AKAP11: variants seen among roughly 807,000 people sequenced by gnomAD.
AKAP11 encodes A-kinase anchor protein 11.
Under a neutral mutation model 146.1 loss-of-function variants are expected in AKAP11, and 36 were observed. That is an observed-to-expected ratio of 0.25 (90% CI 0.19 to 0.33). The LOEUF (loss-of-function observed/expected upper bound fraction) is 0.33, where lower values mean the gene tolerates loss of function less well. Among genes scored for constraint, AKAP11 ranks in the 10% least tolerant of loss-of-function variants. The pLI, the probability that AKAP11 is intolerant of heterozygous loss-of-function variation, is 1.00. For missense variants in AKAP11, 2,201 were observed against 2,197.0 expected, an observed-to-expected ratio of 1.00 and a Z score of -0.04; for synonymous variants, 780 against 786.5, an observed-to-expected ratio of 0.99 and a Z score of 0.14.
chr13:42,301,706 A>T lies in AKAP11; in HGVS notation c.2960A>T (p.Lys987Ile). The stretch of plus-strand genomic sequence containing the variant: ...CAGTTGACACCAGAAAAGTCTCCCA[A>T]ATTTCCTGACTCTCAGAATCAGTTA... ...ESQLTPEKSP[K>I]FPDSQNQLTH... Residue 987 changes from lysine (K) to isoleucine (I), a missense_variant, in exon 8 of 13, where the codon AAA becomes ATA. Transcript: ENST00000025301. 6.2e-7 allele frequency: 1 copy of T among 1,614,076 alleles called. No individual in the cohort carries two copies. Among genetic ancestry groups the T allele is most frequent in the East Asian group, 2.2e-5 (1 of 44,878 alleles).
intron 1 of AKAP11, among the ~76,000 whole-genome samples, chr13:42,281,879 A>G (rs1489531052): frequency 6.6e-6 from 1 of 152,140 alleles, no homozygotes; most frequent in African/African-American, 2.4e-5. Context: ...ATGGGTGACC[A>G]CTGGCATCAG....
chr13:42,290,834 A>G (rs1438205740), intron 3 of AKAP11, among the ~76,000 whole-genome samples: 1 of 152,142 alleles, frequency 6.6e-6, no homozygotes, highest in Admixed American at 6.5e-5. Flanking sequence ...CTCGCTTCAT[A>G]CATTCTCAGC....
chr13:42,300,273 T>TA lies in AKAP11; in HGVS notation c.1529dup (p.Asn510LysfsTer7). 1 of 1,613,788 alleles carries TA rather than the reference T, an allele frequency of 6.2e-7. No homozygotes were observed. The highest frequency in any genetic ancestry group is 8.5e-7 in the Non-Finnish European group (1 of 1,179,792). On this transcript the variant is annotated frameshift_variant, in exon 8 of 13. Transcript: ENST00000025301. LOFTEE classifies it high-confidence loss of function. ...GCTCAGTTCTTCGTACCCACCATACTAATACCCTATCAAATATTAACAGTA... is the reference window on the plus strand; with the variant it reads ...GCTCAGTTCTTCGTACCCACCATACTAAATACCCTATCAAATATTAACAGTA...
intron 1 of AKAP11, among the ~76,000 whole-genome samples, chr13:42,285,255 A>G (rs190469122): frequency 1.3e-5 from 2 of 152,062 alleles, no homozygotes; most frequent in East Asian, 3.9e-4. Context: ...TATTGTCTAG[A>G]CTGGCTTTGA....
intron 1 of AKAP11, among the ~76,000 whole-genome samples, chr13:42,278,075 A>C (rs956260134): frequency 3.3e-5 from 5 of 152,188 alleles, no homozygotes; most frequent in African/African-American, 1.2e-4. Context: ...GAAGCTGCTA[A>C]GTGTCCTACC....
chr13:42,311,840 T>A (rs770879528), intron 9 of AKAP11, among the ~76,000 whole-genome samples: 1 of 152,190 alleles, frequency 6.6e-6, no homozygotes, highest in South Asian at 2.1e-4. Context: ...TTAACAGTTT[T>A]ATAATAGAGC....
intron 9 of AKAP11, among the ~76,000 whole-genome samples, chr13:42,310,936 A>G (rs1684736655): frequency 6.6e-6 from 1 of 152,136 alleles, no homozygotes; most frequent in African/African-American, 2.4e-5. Flanking sequence ...GTGGAGGGCA[A>G]CAACTAAAAA....
At chr13:42,318,973 G>T (rs867469088) in intron 12 of AKAP11, 115 bp from the exon 13 acceptor site, 107 of 1,228,030 alleles carry the variant, frequency 8.7e-5, no homozygotes, top group Admixed American at 3.9e-4. Context: ...ACTAGGAAAC[G>T]GTATTTAATT....
At position 42,319,283 on chromosome 13, in the gene AKAP11, A is replaced by G. The variant is rs543556619; in HGVS notation, c.*55A>G. ...TTTGTTTGGGGAGGGGAACAAGCCA[A>G]TAAAGATGTTTAGGATAAAATTTGA... On this transcript the variant is annotated 3_prime_UTR_variant, in exon 13 of 13. Transcript: ENST00000025301. 93 of 1,577,458 alleles carry G rather than the reference A, an allele frequency of 5.9e-5. No homozygotes were observed. The South Asian group carries it at 9.5e-4, about 16-fold the overall frequency.
chr13:42,317,892 C>T (rs1406994145), intron 12 of AKAP11, among the ~76,000 whole-genome samples: 2 of 152,084 alleles, frequency 1.3e-5, no homozygotes, highest in African/African-American at 2.4e-5. Flanking sequence ...CCCCTAACTG[C>T]ACTATGCAAA....
At chr13:42,305,307 T>G (rs1034536777) in intron 8 of AKAP11, among the ~76,000 whole-genome samples, 3 of 152,202 alleles carry the variant, frequency 2.0e-5, no homozygotes, top group Admixed American at 6.5e-5. Flanking sequence ...TAGGGAGATA[T>G]AGCTTGGCCA....
At position 42,301,839 on chromosome 13, in the gene AKAP11, T is replaced by A. The variant is rs1594337611; in HGVS notation, c.3093T>A (p.Gly1031=). 1 of 1,614,096 alleles carries A rather than the reference T, an allele frequency of 6.2e-7. No individual in the cohort carries two copies. The highest frequency in any genetic ancestry group is 1.3e-5 in the African/African-American group (1 of 75,026). The change falls in exon 8 of 13, where the codon GGT becomes GGA. Residue 1031 remains glycine, a synonymous_variant. Transcript: ENST00000025301. ...TGCCATCTTGTCCAGCTGTGACAGG[T>A]CAGAAATCTGACTTGAAGGAATCTG... is the stretch of plus-strand genomic sequence containing the variant. The part of the protein sequence containing the change: ...ETLPSCPAVT[G]QKSDLKESAK...
rs779869901 is a variant in AKAP11 at position 42,301,256 on chromosome 13, G to T, written c.2510G>T (p.Cys837Phe). 1.2e-6 allele frequency: 2 copies of T among 1,613,768 alleles called. No individual in the cohort carries two copies. The highest frequency in any genetic ancestry group is 2.2e-5 in the East Asian group (1 of 44,900). ...EEKAACLRNI[C>F]LPSEHNPGNQ... is the part of the protein sequence containing the mutation. ...AAAGCAGCTTGTCTCAGAAATATTT[G>T]TTTACCTTCAGAACACAATCCAGGT... Residue 837 changes from cysteine to phenylalanine, a missense_variant, in exon 8 of 13, where the codon TGT (cysteine) becomes TTT (phenylalanine). Coordinates refer to ENST00000025301, the MANE Select transcript of AKAP11 (RefSeq NM_016248.4).
chr13:42,303,486 A>C lies in AKAP11; in HGVS notation c.4740A>C (p.Ser1580=). 6.2e-7 allele frequency: 1 copy of C among 1,614,114 alleles called. No homozygotes were observed. The highest frequency in any genetic ancestry group is 2.2e-5 in the East Asian group (1 of 44,886). The part of the protein sequence containing the change: ...ADRVTYAEKL[S]PLTGQACRYC... ...GGGTCACTTATGCAGAAAAGTTGTC[A>C]CCTCTTACAGGTCAAGCTTGCAGAT... is the stretch of plus-strand genomic sequence containing the variant. The change falls in exon 8 of 13, where the codon TCA becomes TCC. Residue 1580 remains serine (S), a synonymous_variant. Coordinates refer to ENST00000025301, the MANE Select transcript of AKAP11 (RefSeq NM_016248.4).
rs572956485 is a variant in AKAP11, at chr13:42,312,486, A to C, written c.5274-561A>C. On this transcript the variant is annotated intron_variant, in intron 9 of 12. Transcript: ENST00000025301. ...TATACATAATATATGAAATGAAGAT[A>C]ATTGACATAATAGTATTTTAAAATC... 2.0e-5 allele frequency among the ~76,000 whole-genome samples: 3 copies of C among 152,322 alleles called. No homozygotes were observed. In the East Asian group the frequency reaches 5.8e-4, roughly 29 times the overall value.
rs547957778 is a variant in AKAP11, at chr13:42,302,488, C to G, written c.3742C>G (p.Pro1248Ala). 4 of 1,614,064 alleles carry G rather than the reference C, an allele frequency of 2.5e-6. No individual in the cohort carries two copies. The African/African-American group carries it at 5.3e-5, about 22-fold the overall frequency. ...AAGTGTGTCGCCTACTTTTTTAAACCCCTCAGACGAAAATTTGAAAACATT... is the reference window on the plus strand; with the variant it reads ...AAGTGTGTCGCCTACTTTTTTAAACGCCTCAGACGAAAATTTGAAAACATT... The part of the protein sequence containing the change: ...QRSVSPTFLN[P>A]SDENLKTLCN... Residue 1248 changes from proline (P) to alanine (A), a missense_variant, in exon 8 of 13, where the codon CCC (proline) becomes GCC (alanine). Transcript: ENST00000025301.
chr13:42,317,755 G>A (rs904396541), intron 12 of AKAP11, 67 bp downstream of exon 12: 22 of 1,516,414 alleles, frequency 1.5e-5, no homozygotes, highest in Non-Finnish European at 1.9e-5. Context: ...TCATGTGATT[G>A]GTCTAACAAG....
rs773494732 is a variant in AKAP11, at chr13:42,300,935, C to T, written c.2189C>T (p.Ala730Val). The stretch of plus-strand genomic sequence containing the variant: ...ACGGATAATATCAAGTATGTGAGTG[C>T]AGAAAGTGTAGTGCCATCGACACAG... The part of the protein sequence containing the change: ...VSTDNIKYVS[A>V]ESVVPSTQAV... The change falls in exon 8 of 13, where the codon GCA becomes GTA. Residue 730 changes from alanine to valine, a missense_variant. By Grantham distance (64) the Ala-to-Val change is moderately conservative (BLOSUM62 0). Around this residue, in one of 3 missense-constraint regions of AKAP11, gnomAD observed 1,867 missense variants for 1,833.5 expected, o/e 1.02. Transcript: ENST00000025301. 1 of 1,614,122 alleles carries T rather than the reference C, an allele frequency of 6.2e-7. No homozygotes were observed.
chr13:42,275,267 G>A (rs1958889670), intron 1 of AKAP11, among the ~76,000 whole-genome samples: 1 of 152,178 alleles, frequency 6.6e-6, no homozygotes, highest in African/African-American at 2.4e-5. Context: ...CCAAAACTTT[G>A]ATTTGCATGA....
Sources: allele counts gnomAD v4.1 joint callset (sites outside exome capture counted in the v4.1 genomes callset), GRCh38; gene constraint gnomAD v4.1.1; regional missense constraint gnomAD v4.1.1; transcripts MANE v1.5; gene names NCBI Gene and HGNC (gene_info 2026-07-23, HGNC 2026-07-21).